UBXN8: variants seen among roughly 807,000 people sequenced by gnomAD.
UBXN8 encodes UBX domain protein 8, also known as UBX domain-containing protein 8.
In UBXN8, 27 loss-of-function variants were observed where a neutral mutation model predicts 32.1. The observed-to-expected ratio is 0.84, with a 90% CI of 0.62 to 1.16. UBXN8 has a LOEUF of 1.16. Among genes scored for constraint, UBXN8 ranks in the 50% most tolerant of loss-of-function variants. UBXN8 has a pLI of 0.00. For missense variants in UBXN8, 306 were observed against 311.4 expected, an observed-to-expected ratio of 0.98 and a Z score of 0.13; for synonymous variants, 109 against 111.8, an observed-to-expected ratio of 0.98 and a Z score of 0.16.
chr8:30,733,881 G>C (rs1350866407), intron 1 of UBXN8: 1 of 152,212 alleles, frequency 6.6e-6, no homozygotes, highest in African/African-American at 2.4e-5. Context: ...TGGAATAGTG[G>C]ATTAATTCGG....
At position 30,750,398 on chromosome 8, in the gene UBXN8, C is replaced by T. The variant is rs544454426; in HGVS notation, c.89-998C>T. Among the ~76,000 whole-genome samples, 73 of 152,132 alleles carry T rather than the reference C, an allele frequency of 4.8e-4. 1 individual carries two copies. Among genetic ancestry groups the T allele is most frequent in the South Asian group, 3.9e-3 (19 of 4,828 alleles). ...TAAGGCAGGAGGCCCTCCTTGAGCC[C>T]CAGGAGGTTGAGGCTGCAGTGAGCC... On this transcript the variant is annotated intron_variant, in intron 1 of 7. Transcript: ENST00000265616.
At chr8:30,759,346 A>G (rs1006777157) in intron 5 of UBXN8, among the ~76,000 whole-genome samples, 8 of 151,472 alleles carry the variant, frequency 5.3e-5, no homozygotes, top group African/African-American at 1.9e-4. Flanking sequence ...AGAGATTCTC[A>G]TGCCTCAACC....
At chr8:30,729,370 C>T (rs1804896881), upstream of UBXN8, among the ~76,000 whole-genome samples, 1 of 152,192 alleles carries the variant, frequency 6.6e-6, no homozygotes, top group Admixed American at 6.5e-5. Flanking sequence ...CGGAACTTGC[C>T]CACTCCATTT....
At chr8:30,765,355 C>T (rs1291938663) in intron 7 of UBXN8, among the ~76,000 whole-genome samples, 1 of 151,938 alleles carries the variant, frequency 6.6e-6, no homozygotes, top group African/African-American at 2.4e-5. Context: ...CTCACTGAAA[C>T]CTCAACCTCC....
chr8:30,730,550 G>A (rs1031434905), upstream of UBXN8, among the ~76,000 whole-genome samples: 4 of 152,084 alleles, frequency 2.6e-5, no homozygotes, highest in East Asian at 1.9e-4. Flanking sequence ...CCCAGTTACC[G>A]GGAACCGACC....
At chr8:30,760,444 T>TATATATATATATATATATATA (rs60534482) in intron 5 of UBXN8, among the ~76,000 whole-genome samples, 2 of 67,036 alleles carry the variant, frequency 3.0e-5, no homozygotes, top group African/African-American at 1.2e-4. Flanking sequence ...TATATATATA[T>TATATATATATATATATATATA]TTTTTTTTTT....
intron 1 of UBXN8, among the ~76,000 whole-genome samples, chr8:30,744,934 T>G (rs183840937): frequency 1.1e-3 from 161 of 152,296 alleles, no homozygotes; most frequent in Middle Eastern, 3.4e-3. Context: ...TGAACACCTA[T>G]TATAAGCCAA....
intron 6 of UBXN8, among the ~76,000 whole-genome samples, chr8:30,762,486 G>A (rs542802518): frequency 2.0e-5 from 3 of 152,196 alleles, no homozygotes; most frequent in South Asian, 4.1e-4. Context: ...CTCTGCTTCC[G>A]GGTTCAAGCC....
At chr8:30,765,093 A>T (rs2956014) in intron 7 of UBXN8, among the ~76,000 whole-genome samples, 148,967 of 152,032 alleles carry the variant, frequency 0.98, 73,054 homozygotes, top group Middle Eastern at 1. Flanking sequence ...TATTTTTTTA[A>T]AAATAGAACA....
intron 3 of UBXN8, among the ~76,000 whole-genome samples, chr8:30,753,442 A>C (rs1805567384): frequency 6.6e-6 from 1 of 152,012 alleles, no homozygotes; most frequent in Non-Finnish European, 1.5e-5. Flanking sequence ...TTTTTAGTAG[A>C]GATGTTGTTT....
chr8:30,731,665 A>G (rs1476564775), upstream of UBXN8, among the ~76,000 whole-genome samples: 1 of 151,940 alleles, frequency 6.6e-6, no homozygotes, highest in Non-Finnish European at 1.5e-5. Flanking sequence ...AGCGGTGGCC[A>G]AGAGTGTGGG....
At chr8:30,752,498 G>T (rs1215972266) in intron 2 of UBXN8, among the ~76,000 whole-genome samples, 2 of 151,986 alleles carry the variant, frequency 1.3e-5, no homozygotes, top group Non-Finnish European at 2.9e-5. Context: ...TATAGTTTTT[G>T]TAGAGGTGGG....
chr8:30,747,280 G>A (rs2128753361), intron 1 of UBXN8, among the ~76,000 whole-genome samples: 1 of 138,166 alleles, frequency 7.2e-6, no homozygotes, highest in East Asian at 2.1e-4. Flanking sequence ...GCAGTAGTAT[G>A]GAACATAAAT....
Position 30,766,502 on chromosome 8 carries a change from C to A in UBXN8, c.*108C>A. ...CACTATACCTTGATTGAGCTCATGGCAGTAAACTTTGAACATTGATATCCA... is the reference window on the plus strand; with the variant it reads ...CACTATACCTTGATTGAGCTCATGGAAGTAAACTTTGAACATTGATATCCA... On this transcript the variant is annotated 3_prime_UTR_variant, in exon 8 of 8. Coordinates refer to ENST00000265616, the MANE Select transcript of UBXN8 (RefSeq NM_005671.4). The A allele has an allele frequency of 1.7e-6, 2 of 1,194,804 alleles. No individual in the cohort carries two copies. Among genetic ancestry groups the A allele is most frequent in the Non-Finnish European group, 1.1e-6 (1 of 895,170 alleles). 74.0% of individuals were successfully genotyped at this position (1,194,804 alleles called of 1,614,324 possible). A position where few individuals can be genotyped will look rare whatever the true frequency, so the allele number is the denominator to read the frequency against.
At chr8:30,758,228 T>A (rs958972356) in intron 5 of UBXN8, among the ~76,000 whole-genome samples, 3 of 152,222 alleles carry the variant, frequency 2.0e-5, no homozygotes, top group African/African-American at 7.2e-5. Context: ...GGAATTTGAT[T>A]ATGTAAAAAT....
chr8:30,766,134 A>T (rs1205902354), intron 7 of UBXN8, 93 bp from the exon 8 acceptor site: 3 of 1,318,126 alleles, frequency 2.3e-6, no homozygotes, highest in Non-Finnish European at 3.1e-6. Context: ...ATATGATTTT[A>T]CATTGACAAA....
chr8:30,734,893 T>G (rs1341199270), intron 1 of UBXN8, among the ~76,000 whole-genome samples: 21 of 152,102 alleles, frequency 1.4e-4, no homozygotes, highest in Admixed American at 1.4e-3. Flanking sequence ...TGGTGAAATG[T>G]GATCACACCA....
chr8:30,754,448 C>G, intron 3 of UBXN8: 1 of 621,626 alleles, frequency 1.6e-6, no homozygotes, highest in East Asian at 3.4e-5. Flanking sequence ...CTGGTTGATA[C>G]TGTCATAATC....
At chr8:30,748,023 C>T (rs1805413487) in intron 1 of UBXN8, among the ~76,000 whole-genome samples, 1 of 137,676 alleles carries the variant, frequency 7.3e-6, no homozygotes, top group Non-Finnish European at 1.5e-5. Context: ...GCTGGTTATG[C>T]CTGTACTAAT....
Sources: allele counts gnomAD v4.1 joint callset (sites outside exome capture counted in the v4.1 genomes callset), GRCh38; gene constraint gnomAD v4.1.1; transcripts MANE v1.5; gene names NCBI Gene and HGNC (gene_info 2026-07-23, HGNC 2026-07-21).